TEAD2: variants seen among roughly 807,000 people sequenced by gnomAD.
TEAD2 encodes the protein TEA domain transcription factor 2, also known as transcriptional enhancer factor TEF-4.
In TEAD2, 51 loss-of-function variants were observed where a neutral mutation model predicts 61.4. That is an observed-to-expected ratio of 0.83 (90% CI 0.66 to 1.05). The LOEUF is 1.05. TEAD2 is among the 50% of genes least tolerant of loss of function. The probability of loss-of-function intolerance (pLI) is 0.00; values close to 1 mark genes in which losing one functional copy is unlikely to be tolerated. For missense variants in TEAD2, 509 were observed against 600.0 expected (o/e 0.85, Z 1.58); for synonymous variants, 244 against 243.2 (o/e 1.00, Z -0.03).
intron 8 of TEAD2, among the ~76,000 whole-genome samples, chr19:49,349,620 A>C (rs1241236579): frequency 1.3e-5 from 2 of 152,072 alleles, no homozygotes; most frequent in African/African-American, 4.8e-5. Flanking sequence ...GGCTGTTTAA[A>C]GGAGCCTGGC....
intron 3 of TEAD2, chr19:49,357,578 C>A: frequency 1.8e-6 from 1 of 558,072 alleles, no homozygotes; most frequent in South Asian, 2.2e-5. Flanking sequence ...GGGTCTAACA[C>A]AACCACTAGA....
chr19:49,358,820 A>G (rs937044449), intron 3 of TEAD2, among the ~76,000 whole-genome samples: 15 of 151,236 alleles, frequency 9.9e-5, no homozygotes, highest in Non-Finnish European at 1.6e-4. Flanking sequence ...TTTAGTAGAG[A>G]CGGGGTTTCA....
chr19:49,355,106 A>T, intron 7 of TEAD2, 42 bp downstream of exon 7: 1 of 1,546,924 alleles, frequency 6.5e-7, no homozygotes, highest in South Asian at 1.2e-5. Context: ...TGGGAGTGTG[A>T]GGGTGGGGGG....
At chr19:49,344,700 C>T (rs1286731974) in intron 10 of TEAD2, among the ~76,000 whole-genome samples, 1 of 152,210 alleles carries the variant, frequency 6.6e-6, no homozygotes, top group African/African-American at 2.4e-5. Flanking sequence ...CTCTAAGCCC[C>T]TCTCACTCTG....
chr19:49,359,449 G>C lies in TEAD2; in HGVS notation c.283C>G (p.Arg95Gly). ...CATTCCGAGACCTGTTTTCGAGTTC[G>C]GGTCTTCCCCGTTCTCAGCTTGATG... ...RYIKLRTGKTRTRKQVSSHIQ... is the reference protein window; with the variant it reads ...RYIKLRTGKTGTRKQVSSHIQ... The change falls in exon 3 of 13, where the codon CGA (arginine) becomes GGA (glycine). Residue 95 changes from arginine to glycine, a missense_variant. Coordinates refer to ENST00000593945, the MANE Select transcript of TEAD2 (RefSeq NM_001256660.2). The surrounding 1 kb of genome is among the most constrained non-coding windows in gnomAD (Gnocchi z 4.1). The C allele has an allele frequency of 6.2e-7, 1 of 1,613,994 alleles. No individual in the cohort carries two copies. Among genetic ancestry groups the C allele is most frequent in the Non-Finnish European group, 8.5e-7 (1 of 1,179,976 alleles).
Position 49,359,483 on chromosome 19 carries a change from G to A in TEAD2, c.249C>T (p.Ile83=), listed in dbSNP as rs746445822. 1.5e-5 allele frequency: 25 copies of A among 1,613,934 alleles called. No individual in the cohort carries two copies. Among genetic ancestry groups the A allele is most frequent in the East Asian group, 4.5e-5 (2 of 44,880 alleles). Residue 83 remains isoleucine, a synonymous_variant, in exon 3 of 13, where the codon ATC becomes ATT. Transcript: ENST00000593945. The surrounding 1 kb of genome is among the most constrained non-coding windows in gnomAD (Gnocchi z 4.1). The part of the protein sequence containing the change: ...EGKMYGRNEL[I]ARYIKLRTGK... ...CCGTTCTCAGCTTGATGTAGCGGGC[G>A]ATCAGTTCATTCCGACCTGAAGATT...
intron 8 of TEAD2, 157 bp from the exon 9 acceptor site, chr19:49,349,002 C>T: frequency 1.1e-6 from 1 of 895,426 alleles, no homozygotes; most frequent in African/African-American, 1.7e-5. Context: ...TGACACAGTC[C>T]TAGCCAATGA....
At chr19:49,349,117 G>A in intron 8 of TEAD2, 1 of 330,406 alleles carries the variant, frequency 3.0e-6, no homozygotes, top group Non-Finnish European at 5.5e-6. Flanking sequence ...GCCAAGTCCT[G>A]CTTGGGAGAT....
rs992498179 is a variant in TEAD2 at position 49,340,933 on chromosome 19, C to T, written c.*391G>A. The stretch of plus-strand genomic sequence containing the variant: ...GGTGGCTGGGAAAAAGTAAAGGGGA[C>T]AAGCCAATGTGTAACTAGCGCTCTC... On this transcript the variant is annotated 3_prime_UTR_variant, in exon 13 of 13. Coordinates refer to ENST00000593945, the MANE Select transcript of TEAD2 (RefSeq NM_001256660.2). 5 of 204,710 alleles carry T rather than the reference C, an allele frequency of 2.4e-5. No homozygotes were observed. The South Asian group carries it at 4.3e-4, about 17-fold the overall frequency. The allele number at this position is 204,710 out of a possible 1,614,324, so 12.7% of individuals were successfully genotyped here. A position where few individuals can be genotyped will look rare whatever the true frequency, so the allele number is the denominator to read the frequency against.
chr19:49,352,567 G>T (rs1337834222), intron 7 of TEAD2, among the ~76,000 whole-genome samples: 1 of 152,054 alleles, frequency 6.6e-6, no homozygotes, highest in Non-Finnish European at 1.5e-5. Flanking sequence ...ACAGAGTTTT[G>T]CTCTTGTTGC....
In TEAD2 at chr19:49,359,483, G is replaced by T. The variant is rs746445822; in HGVS notation, c.249C>A (p.Ile83=). Residue 83 remains isoleucine, a synonymous_variant, in exon 3 of 13, where the codon ATC becomes ATA. Coordinates refer to ENST00000593945, the MANE Select transcript of TEAD2 (RefSeq NM_001256660.2). The surrounding 1 kb of genome is among the most constrained non-coding windows in gnomAD (Gnocchi z 4.1). The stretch of plus-strand genomic sequence containing the variant: ...CCGTTCTCAGCTTGATGTAGCGGGC[G>T]ATCAGTTCATTCCGACCTGAAGATT... ...EGKMYGRNEL[I]ARYIKLRTGK... 6.2e-6 allele frequency: 10 copies of T among 1,613,934 alleles called. No individual in the cohort carries two copies. The highest frequency in any genetic ancestry group is 8.5e-6 in the Non-Finnish European group (10 of 1,180,020).
intron 7 of TEAD2, among the ~76,000 whole-genome samples, chr19:49,354,078 G>C (rs1416573609): frequency 6.6e-6 from 1 of 150,924 alleles, no homozygotes; most frequent in East Asian, 2.0e-4. Context: ...GATTACAGGC[G>C]TGAGCCACCA....
chr19:49,342,375 T>C (rs537526503), intron 12 of TEAD2, 63 bp downstream of exon 12: 1 of 1,564,714 alleles, frequency 6.4e-7, no homozygotes, highest in Admixed American at 1.7e-5. Context: ...AGACTGAGGG[T>C]CTGTTATAGG....
chr19:49,359,999 C>G lies in TEAD2; in HGVS notation c.77G>C (p.Gly26Ala). The change falls in exon 2 of 13, where the codon GGT (glycine) becomes GCT (alanine). Residue 26 changes from glycine to alanine, a missense_variant. Coordinates refer to ENST00000593945, the MANE Select transcript of TEAD2 (RefSeq NM_001256660.2). This position sits in a 1 kb window ranked among gnomAD's most constrained non-coding sequence, Gnocchi z 4.1. ...CCCAGCCCCCTCACTGCCGCCGGTA[C>G]CCTCCTCACTGCCTTCCTCACTGCC... ...WTGSEEGSEE[G>A]TGGSEGAGGD... The G allele has an allele frequency of 6.2e-7, 1 of 1,609,538 alleles. No individual in the cohort carries two copies. Among genetic ancestry groups the G allele is most frequent in the South Asian group, 1.1e-5 (1 of 91,080 alleles).
chr19:49,355,021 G>GCATACATACATGCATACATACATACATA (rs1972285064), intron 7 of TEAD2, 127 bp downstream of exon 7: 1 of 616,946 alleles, frequency 1.6e-6, no homozygotes, highest in African/African-American at 1.9e-5. Flanking sequence ...ATACATACAT[G>GCATACATACATGCATACATACATACATA]CATACATACA....
chr19:49,352,978 T>C (rs1972119499), intron 7 of TEAD2, among the ~76,000 whole-genome samples: 1 of 152,284 alleles, frequency 6.6e-6, no homozygotes, highest in African/African-American at 2.4e-5. Context: ...TATCAGGCAC[T>C]TAGTAGGCAC....
intron 7 of TEAD2, among the ~76,000 whole-genome samples, chr19:49,353,798 T>G (rs2146502070): frequency 6.6e-6 from 1 of 151,278 alleles, no homozygotes; most frequent in African/African-American, 2.4e-5. Context: ...TTTTTTTTTT[T>G]GAGCTGGAGT....
chr19:49,355,270 C>T (rs11879619), intron 6 of TEAD2, 42 bp downstream of exon 6: 5 of 1,613,290 alleles, frequency 3.1e-6, no homozygotes, highest in Admixed American at 1.7e-5. Context: ...CCCCATCCAT[C>T]CCCCTTTGCC....
intron 4 of TEAD2, among the ~76,000 whole-genome samples, chr19:49,356,462 G>C (rs1053667096): frequency 6.6e-6 from 1 of 151,852 alleles, no homozygotes; most frequent in Non-Finnish European, 1.5e-5. Flanking sequence ...CACCCAGAAG[G>C]GGGAGAAAAT....
Sources: allele counts gnomAD v4.1 joint callset (sites outside exome capture counted in the v4.1 genomes callset), GRCh38; gene constraint gnomAD v4.1.1; non-coding constraint Gnocchi (gnomAD v3.1); transcripts MANE v1.5; gene names NCBI Gene and HGNC (gene_info 2026-07-23, HGNC 2026-07-21).